The following FMN1 variants were observed in gnomAD, a reference collection of about 807,000 sequenced individuals.
FMN1 encodes formin 1.
A neutral mutation model predicts 132.4 loss-of-function variants in FMN1; 110 were observed. That is an observed-to-expected ratio of 0.83 (90% CI 0.71 to 0.97). The LOEUF (loss-of-function observed/expected upper bound fraction) is 0.97, where lower values mean the gene tolerates loss of function less well. Among genes scored for constraint, FMN1 ranks in the 50% least tolerant of loss-of-function variants. The pLI, the probability that FMN1 is intolerant of heterozygous loss-of-function variation, is 0.00. For missense variants in FMN1, 1,792 were observed against 1,705.3 expected, an observed-to-expected ratio of 1.05 and a Z score of -0.90; for synonymous variants, 722 against 651.7, an observed-to-expected ratio of 1.11 and a Z score of -1.64.
At chr15:33,096,250 T>C (rs963326226) in intron 4 of FMN1, among the ~76,000 whole-genome samples, 1 of 152,218 alleles carries the variant, frequency 6.6e-6, no homozygotes, top group African/African-American at 2.4e-5. Context: ...TTGCCTTAGC[T>C]CCATCCCAGG....
intron 5 of FMN1, among the ~76,000 whole-genome samples, chr15:33,073,894 C>T (rs888033340): frequency 1.3e-5 from 2 of 152,056 alleles, no homozygotes; most frequent in Non-Finnish European, 1.5e-5. Context: ...CCACGACCGA[C>T]TAATTTTTGT....
chr15:33,027,662 T>C (rs1300592233), intron 6 of FMN1, among the ~76,000 whole-genome samples: 1 of 151,574 alleles, frequency 6.6e-6, no homozygotes, highest in Non-Finnish European at 1.5e-5. Flanking sequence ...TGATCTTTCC[T>C]GATAACCGAC....
At chr15:33,082,020 GGTGTGTGTGT>G (rs57369569) in intron 5 of FMN1, among the ~76,000 whole-genome samples, 12 of 117,762 alleles carry the variant, frequency 1.0e-4, no homozygotes, top group East Asian at 2.2e-4. Context: ...AGAGTTCAGG[GGTGTGTGTGT>G]GTGTGTGTGT....
At chr15:32,914,808 G>T (rs1440140850) in intron 10 of FMN1, among the ~76,000 whole-genome samples, 2 of 152,190 alleles carry the variant, frequency 1.3e-5, no homozygotes, top group African/African-American at 4.8e-5. Flanking sequence ...TAGGTTTAGG[G>T]GAAGAGCTTT....
At chr15:32,908,621 A>G (rs1463144449) in intron 11 of FMN1, 43 bp from the exon 12 acceptor site, 2 of 1,049,008 alleles carry the variant, frequency 1.9e-6, no homozygotes, top group African/African-American at 1.6e-5. Context: ...AAAAAAAAAA[A>G]AAGGGAAGTG....
intron 19 of FMN1, among the ~76,000 whole-genome samples, chr15:32,785,218 A>ATATTTTTTTTTTTTT (rs1444523400): frequency 2.6e-4 from 10 of 39,200 alleles, no homozygotes; most frequent in East Asian, 1.0e-3. Context: ...ATATATATAT[A>ATATTTTTTTTTTTTT]TTTTTTTTTT....
In FMN1 at chr15:32,844,902, C is replaced by T. The variant is rs1300967421; in HGVS notation, c.3928+12113G>A. ...GGTTCTGAGCTAACTGCTCCACATACATTAGTCCTGCGTTCCTACTAGAGC... is the reference window on the plus strand; with the variant it reads ...GGTTCTGAGCTAACTGCTCCACATATATTAGTCCTGCGTTCCTACTAGAGC... On this transcript the variant is annotated intron_variant, in intron 17 of 20. Coordinates refer to ENST00000616417, the MANE Select transcript of FMN1 (RefSeq NM_001277313.2). Among the ~76,000 whole-genome samples the T allele has an allele frequency of 5.9e-5, 9 of 152,344 alleles. No individual in the cohort carries two copies. The South Asian group carries it at 1.7e-3, about 28-fold the overall frequency.
rs952420278 is a variant in FMN1 at position 32,957,987 on chromosome 15, T to C, written c.3138+6120A>G. On this transcript the variant is annotated intron_variant, in intron 9 of 20. Coordinates refer to ENST00000616417, the MANE Select transcript of FMN1 (RefSeq NM_001277313.2). ...CAAATGAGAATGGCACCTATCTAAGTATGCAATATAAATTTGTAATAATTA... is the reference window on the plus strand; with the variant it reads ...CAAATGAGAATGGCACCTATCTAAGCATGCAATATAAATTTGTAATAATTA... 2.6e-5 allele frequency among the ~76,000 whole-genome samples: 4 copies of C among 152,148 alleles called. No homozygotes were observed. In the South Asian group the frequency reaches 8.3e-4, roughly 31 times the overall value.
At chr15:33,021,367 C>G (rs932863043) in intron 6 of FMN1, among the ~76,000 whole-genome samples, 3 of 151,414 alleles carry the variant, frequency 2.0e-5, no homozygotes, top group Non-Finnish European at 3.0e-5. Context: ...GTCAAGTTAA[C>G]AATTTAGAGA....
chr15:32,804,113 G>A (rs1387270904), intron 18 of FMN1, among the ~76,000 whole-genome samples, 168 bp downstream of exon 18: 1 of 152,112 alleles, frequency 6.6e-6, no homozygotes, highest in Non-Finnish European at 1.5e-5. Context: ...CCTAGGGACA[G>A]GGGAGTGGGG....
chr15:32,918,769 T>C (rs1342247817), intron 10 of FMN1, among the ~76,000 whole-genome samples: 1 of 152,144 alleles, frequency 6.6e-6, no homozygotes, highest in Non-Finnish European at 1.5e-5. Flanking sequence ...TAAGCCAAAA[T>C]TACATTCCAG....
At chr15:32,898,612 TAG>T (rs1437661987) in intron 15 of FMN1, among the ~76,000 whole-genome samples, 21 of 152,208 alleles carry the variant, frequency 1.4e-4, no homozygotes, top group African/African-American at 5.1e-4. Flanking sequence ...AGCTGTGTTA[TAG>T]TCGATTGAGA....
At chr15:32,777,425 T>C (rs996408171) in intron 19 of FMN1, among the ~76,000 whole-genome samples, 5 of 109,704 alleles carry the variant, frequency 4.6e-5, no homozygotes, top group African/African-American at 1.4e-4. Flanking sequence ...TAGGTTTTTT[T>C]CCATTCAAAA....
At chr15:33,087,297 G>A (rs1223896799) in intron 5 of FMN1, among the ~76,000 whole-genome samples, 1 of 152,152 alleles carries the variant, frequency 6.6e-6, no homozygotes. Context: ...CTGTAATCCA[G>A]CACTTTGGGA....
chr15:33,105,160 T>C (rs2039436976), intron 4 of FMN1, among the ~76,000 whole-genome samples: 1 of 152,076 alleles, frequency 6.6e-6, no homozygotes, highest in Admixed American at 6.6e-5. Context: ...CTGTAATGAT[T>C]CTAAGACAGG....
chr15:33,030,728 A>C (rs188782541), intron 6 of FMN1, among the ~76,000 whole-genome samples: 191 of 152,344 alleles, frequency 1.3e-3, no homozygotes, highest in East Asian at 6.9e-3. Context: ...TAAAATGCCC[A>C]TTGTAAAACA....
At chr15:33,033,643 G>T (rs345877) in intron 6 of FMN1, among the ~76,000 whole-genome samples, 1 of 149,144 alleles carries the variant, frequency 6.7e-6, no homozygotes, top group Non-Finnish European at 1.5e-5. Flanking sequence ...TCATTTGATC[G>T]TATTTGTCCC....
intron 4 of FMN1, among the ~76,000 whole-genome samples, chr15:33,125,632 G>A (rs1016237400): frequency 6.6e-6 from 1 of 151,584 alleles, no homozygotes; most frequent in Non-Finnish European, 1.5e-5. Flanking sequence ...TTGAGGTCAG[G>A]AATTCAAGAC....
At chr15:32,992,253 A>G (rs2140860866) in intron 7 of FMN1, among the ~76,000 whole-genome samples, 1 of 152,310 alleles carries the variant, frequency 6.6e-6, no homozygotes, top group East Asian at 1.9e-4. Context: ...TTTTACAGAA[A>G]AATAATGGTC....
Sources: allele counts gnomAD v4.1 joint callset (sites outside exome capture counted in the v4.1 genomes callset), GRCh38; gene constraint gnomAD v4.1.1; transcripts MANE v1.5; gene names NCBI Gene and HGNC (gene_info 2026-07-23, HGNC 2026-07-21).